The following PDIA5 variants were observed in gnomAD, a reference collection of about 807,000 sequenced individuals.
The protein encoded by PDIA5 is protein disulfide isomerase family A member 5, also known as protein disulfide-isomerase A5.
Under a neutral mutation model 77.6 loss-of-function variants are expected in PDIA5, and 58 were observed. The ratio of observed to expected loss-of-function variants is 0.75; its 90% CI spans 0.61 to 0.93. PDIA5 has a LOEUF of 0.93. Ranked by LOEUF, PDIA5 falls within the 40% of genes least tolerant of loss-of-function variation. The probability of loss-of-function intolerance (pLI) is 0.00; values close to 1 mark genes in which losing one functional copy is unlikely to be tolerated. For synonymous variants in PDIA5, 250 were observed against 252.1 expected (o/e 0.99, Z 0.08); for missense variants, 630 against 647.7 (o/e 0.97, Z 0.30).
At chr3:123,148,343 G>C (rs1372505129) in intron 13 of PDIA5, among the ~76,000 whole-genome samples, 1 of 152,138 alleles carries the variant, frequency 6.6e-6, no homozygotes, top group African/African-American at 2.4e-5. Context: ...AGAGGCAGGA[G>C]GATCTCTTGA....
At chr3:123,152,871 C>G (rs1053049313) in intron 14 of PDIA5, among the ~76,000 whole-genome samples, 12 of 152,188 alleles carry the variant, frequency 7.9e-5, no homozygotes, top group African/African-American at 2.4e-4. Flanking sequence ...GGCGGAGTCT[C>G]TAGAACTGCA....
chr3:123,150,282 A>G lies in PDIA5; in HGVS notation c.1191A>G (p.Thr397=). The G allele has an allele frequency of 1.2e-6, 2 of 1,613,464 alleles. No homozygotes were observed. Among genetic ancestry groups the G allele is most frequent in the Non-Finnish European group, 1.7e-6 (2 of 1,179,634 alleles). The change falls in exon 14 of 17, where the codon ACA becomes ACG. Residue 397 remains threonine (T), a synonymous_variant. Coordinates refer to ENST00000316218, the MANE Select transcript of PDIA5 (RefSeq NM_006810.4). ...PPEPTWEEQQ[T]SVLHLVGDNF... Reference sequence around the variant, plus strand: ...AGCCCACGTGGGAAGAGCAGCAGACAAGCGTGTTGCACCTGGTGGGGGACA... The same window carrying G: ...AGCCCACGTGGGAAGAGCAGCAGACGAGCGTGTTGCACCTGGTGGGGGACA...
chr3:123,152,691 C>G (rs1935940075), intron 14 of PDIA5, among the ~76,000 whole-genome samples: 1 of 152,148 alleles, frequency 6.6e-6, no homozygotes, highest in African/African-American at 2.4e-5. Flanking sequence ...TGCCTCACCC[C>G]AACATCTTAC....
At chr3:123,153,627 T>A (rs1353989966) in intron 14 of PDIA5, among the ~76,000 whole-genome samples, 1 of 152,110 alleles carries the variant, frequency 6.6e-6, no homozygotes, top group Non-Finnish European at 1.5e-5. Context: ...CTGCTCCTTC[T>A]GCATGAGACT....
In PDIA5 at chr3:123,130,447, T is replaced by G; in HGVS notation, c.774-33T>G. On this transcript the variant is annotated intron_variant, in intron 10 of 16. Coordinates refer to ENST00000316218, the MANE Select transcript of PDIA5 (RefSeq NM_006810.4). ...GAAGGGCTGCCAAGGCCCCAGGGCC[T>G]GCTCTGAGCTCTGCCTGTTTTTGGT... The G allele has an allele frequency of 2.5e-6, 4 of 1,600,700 alleles. No individual in the cohort carries two copies. In the East Asian group the frequency reaches 8.9e-5, roughly 36 times the overall value.
intron 1 of PDIA5, among the ~76,000 whole-genome samples, chr3:123,085,104 C>T (rs1934102725): frequency 6.6e-6 from 1 of 152,182 alleles, no homozygotes; most frequent in Non-Finnish European, 1.5e-5. Context: ...CTGGGCCTCC[C>T]AAGGGCTGCT....
chr3:123,147,987 G>A (rs973737507), intron 13 of PDIA5, among the ~76,000 whole-genome samples: 1 of 152,196 alleles, frequency 6.6e-6, no homozygotes, highest in Non-Finnish European at 1.5e-5. Context: ...AGGGGCCTCT[G>A]TCCTTTCTGT....
chr3:123,088,599 G>A (rs566395670), intron 1 of PDIA5, among the ~76,000 whole-genome samples: 1 of 152,326 alleles, frequency 6.6e-6, no homozygotes, highest in Admixed American at 6.5e-5. Context: ...AATGCAGAAT[G>A]TTTATACAAA....
At chr3:123,073,774 T>C (rs530793151) in intron 1 of PDIA5, among the ~76,000 whole-genome samples, 4 of 152,238 alleles carry the variant, frequency 2.6e-5, no homozygotes, top group East Asian at 3.9e-4. Flanking sequence ...GGCGCAAGGG[T>C]GGAGTGTCCA....
intron 6 of PDIA5, 115 bp downstream of exon 6, chr3:123,106,956 C>T: frequency 1.4e-6 from 1 of 738,060 alleles, no homozygotes. Context: ...ATCACTTGTA[C>T]TTTTCCTCTA....
chr3:123,089,040 T>G (rs2107919247), intron 1 of PDIA5, 128 bp from the exon 2 acceptor site: 492 of 769,164 alleles, frequency 6.4e-4, no homozygotes, highest in Non-Finnish European at 9.3e-4. Flanking sequence ...GTGTGGTGCA[T>G]GAGATGTGTT....
intron 15 of PDIA5, among the ~76,000 whole-genome samples, chr3:123,157,452 G>C (rs1007344146): frequency 6.6e-6 from 1 of 152,132 alleles, no homozygotes; most frequent in Non-Finnish European, 1.5e-5. Flanking sequence ...CCCTTTACTC[G>C]TGAGGGATCC....
At chr3:123,083,223 G>A (rs1934057170) in intron 1 of PDIA5, among the ~76,000 whole-genome samples, 1 of 151,238 alleles carries the variant, frequency 6.6e-6, no homozygotes, top group African/African-American at 2.4e-5. Flanking sequence ...GGGGGAGGGG[G>A]GGTGCAGTGA....
At chr3:123,096,850 C>T (rs543272104) in intron 3 of PDIA5, among the ~76,000 whole-genome samples, 113 of 152,340 alleles carry the variant, frequency 7.4e-4, no homozygotes, top group African/African-American at 2.5e-3. Context: ...GCCAGCTGGG[C>T]GCTGGGGCTC....
chr3:123,093,351 A>G (rs1175189853), intron 3 of PDIA5, among the ~76,000 whole-genome samples: 2 of 152,156 alleles, frequency 1.3e-5, no homozygotes, highest in African/African-American at 4.8e-5. Context: ...AGTAGGTGAG[A>G]TCTTAGCCAT....
rs781132572 is a variant in PDIA5 at position 123,102,782 on chromosome 3, G to A, written c.373G>A (p.Ala125Thr). The stretch of plus-strand genomic sequence containing the variant: ...TGCATTTCATACTGAATATAACCGA[G>A]CTGTGACATTTAAGGTAAATTTACC... ...DGAFHTEYNR[A>T]VTFKSIVAFL... The change falls in exon 5 of 17, where the codon GCT becomes ACT. Residue 125 changes from alanine (A) to threonine (T), a missense_variant. By Grantham distance (58) the Ala-to-Thr change is moderately conservative. Transcript: ENST00000316218. The A allele has an allele frequency of 6.2e-7, 1 of 1,609,778 alleles. No individual in the cohort carries two copies. Among genetic ancestry groups the A allele is most frequent in the Non-Finnish European group, 8.5e-7 (1 of 1,175,916 alleles).
chr3:123,070,814 G>A (rs570073746), intron 1 of PDIA5, among the ~76,000 whole-genome samples: 27 of 152,220 alleles, frequency 1.8e-4, no homozygotes, highest in South Asian at 4.1e-4. Flanking sequence ...GAGAAACGTC[G>A]AGCTGGAGTG....
intron 7 of PDIA5, 35 bp downstream of exon 7, chr3:123,111,039 T>G (rs781055763): frequency 5.7e-5 from 90 of 1,567,024 alleles, no homozygotes; most frequent in Admixed American, 2.8e-4. Flanking sequence ...CAGAGCTAGT[T>G]GTTTAGTCTC....
intron 8 of PDIA5, among the ~76,000 whole-genome samples, chr3:123,117,471 C>T (rs1482726437): frequency 2.7e-5 from 4 of 148,164 alleles, no homozygotes; most frequent in Admixed American, 6.8e-5. Flanking sequence ...CCGATCTTCC[C>T]GTCTTAGCCT....
Sources: allele counts gnomAD v4.1 joint callset (sites outside exome capture counted in the v4.1 genomes callset), GRCh38; gene constraint gnomAD v4.1.1; transcripts MANE v1.5; gene names NCBI Gene and HGNC (gene_info 2026-07-23, HGNC 2026-07-21).